The following DCN variants were observed in gnomAD, a reference collection of about 807,000 sequenced individuals.
DCN encodes the protein decorin.
A neutral mutation model predicts 36.5 loss-of-function variants in DCN; 17 were observed. That is an observed-to-expected ratio of 0.47 (90% CI 0.32 to 0.70). DCN has a LOEUF of 0.70. Among genes scored for constraint, DCN ranks in the 30% least tolerant of loss-of-function variants. The probability of loss-of-function intolerance (pLI) is 0.04; values close to 1 mark genes in which losing one functional copy is unlikely to be tolerated. For missense variants in DCN, 389 were observed against 430.1 expected (o/e 0.90, Z 0.84); for synonymous variants, 163 against 161.4 (o/e 1.01, Z -0.07).
At chr12:91,152,223 T>A (rs950561657) in intron 6 of DCN, among the ~76,000 whole-genome samples, 2 of 152,082 alleles carry the variant, frequency 1.3e-5, no homozygotes, top group African/African-American at 4.8e-5. Flanking sequence ...GGGACAGAGG[T>A]CTCATGGATC....
chr12:91,160,289 G>A (rs1191147372), intron 3 of DCN, among the ~76,000 whole-genome samples: 2 of 151,944 alleles, frequency 1.3e-5, no homozygotes, highest in Non-Finnish European at 2.9e-5. Context: ...TCGCAAAGGA[G>A]ATATTCAATT....
At chr12:91,178,791 G>T (rs1158202173) in intron 1 of DCN, among the ~76,000 whole-genome samples, 1 of 152,148 alleles carries the variant, frequency 6.6e-6, no homozygotes, top group Non-Finnish European at 1.5e-5. Context: ...CTTAGGATGA[G>T]AAATCTGAGT....
rs867184837 is a variant in DCN, at chr12:91,181,795, A to T, written c.-34+860T>A. Among the ~76,000 whole-genome samples, 9 of 152,142 alleles carry T rather than the reference A, an allele frequency of 5.9e-5. No individual in the cohort carries two copies. The Middle Eastern group carries it at 0.01, about 172-fold the overall frequency. Reference sequence around the variant, plus strand: ...CAGCACTAGATGATTAAAAACTTCAATTATAATATATGTAATTTTAAAATA... The same window carrying T: ...CAGCACTAGATGATTAAAAACTTCATTTATAATATATGTAATTTTAAAATA... On this transcript the variant is annotated intron_variant, in intron 1 of 7. Transcript: ENST00000052754.
chr12:91,173,181 T>C (rs1276457379), intron 2 of DCN, among the ~76,000 whole-genome samples: 3 of 152,150 alleles, frequency 2.0e-5, no homozygotes, highest in African/African-American at 4.8e-5. Flanking sequence ...AAAGTTAAGA[T>C]TAGAGGGTCT....
intron 3 of DCN, among the ~76,000 whole-genome samples, chr12:91,163,878 A>G (rs199581726): frequency 1.3e-5 from 2 of 152,170 alleles, no homozygotes; most frequent in African/African-American, 4.8e-5. Flanking sequence ...AAGAAATAAA[A>G]TAATACTAGG....
Position 91,146,039 on chromosome 12 carries a change from A to T in DCN, c.*19T>A, listed in dbSNP as rs771344865. The T allele has an allele frequency of 4.4e-6, 7 of 1,606,074 alleles. No individual in the cohort carries two copies. Among genetic ancestry groups the T allele is most frequent in the Non-Finnish European group, 8.5e-7 (1 of 1,172,826 alleles). ...AACAAGATTTTGCCAGGTTATAAAA[A>T]TGAGGGCTTTCTTGAGAATTACTTA... On this transcript the variant is annotated 3_prime_UTR_variant, in exon 8 of 8. Coordinates refer to ENST00000052754, the MANE Select transcript of DCN (RefSeq NM_001920.5).
rs139057073 is a variant in DCN at position 91,157,173 on chromosome 12, G to A, written c.554C>T (p.Pro185Leu). 1.9e-5 allele frequency: 31 copies of A among 1,613,128 alleles called. No individual in the cohort carries two copies. Among genetic ancestry groups the A allele is most frequent in the Non-Finnish European group, 2.5e-5 (29 of 1,179,178 alleles). Residue 185 changes from proline to leucine, a missense_variant, in exon 5 of 8, where the codon CCG becomes CTG. Transcript: ENST00000052754. Reference protein sequence around the residue: ...QMIVIELGTNPLKSSGIENGA... With the variant: ...QMIVIELGTNLLKSSGIENGA... ...ATTTTCAATTCCTGAGCTCTTCAGC[G>A]GATTGGTGCCCAGTTCTACAAATGT...
At chr12:91,157,824 T>C (rs1881893342) in intron 4 of DCN, among the ~76,000 whole-genome samples, 1 of 152,102 alleles carries the variant, frequency 6.6e-6, no homozygotes, top group African/African-American at 2.4e-5. Flanking sequence ...GAGATGGGGT[T>C]TCACCATGTT....
intron 2 of DCN, among the ~76,000 whole-genome samples, chr12:91,174,926 G>A (rs910345272): frequency 1.3e-5 from 2 of 152,060 alleles, no homozygotes; most frequent in Non-Finnish European, 2.9e-5. Flanking sequence ...TATACTACCT[G>A]GTGACACTTG....
chr12:91,159,702 C>T (rs879841953), intron 3 of DCN, among the ~76,000 whole-genome samples: 1 of 151,626 alleles, frequency 6.6e-6, no homozygotes, highest in Non-Finnish European at 1.5e-5. Flanking sequence ...ACCTCTAATT[C>T]ATTATTATTA....
chr12:91,155,624 A>G (rs955956508), intron 5 of DCN, among the ~76,000 whole-genome samples: 4 of 141,742 alleles, frequency 2.8e-5, no homozygotes, highest in Non-Finnish European at 4.5e-5. Flanking sequence ...AGATCTATCT[A>G]TCTATCTATC....
At chr12:91,154,999 C>T (rs1255661462) in intron 5 of DCN, among the ~76,000 whole-genome samples, 1 of 152,138 alleles carries the variant, frequency 6.6e-6, no homozygotes, top group Non-Finnish European at 1.5e-5. Context: ...TACTGCCTTT[C>T]CATTTCCATG....
At chr12:91,167,234 T>C (rs563100999) in intron 2 of DCN, among the ~76,000 whole-genome samples, 34 of 152,212 alleles carry the variant, frequency 2.2e-4, no homozygotes, top group Non-Finnish European at 4.1e-4. Flanking sequence ...GTTAACTAGC[T>C]TGCTCAAAGA....
At chr12:91,180,690 T>C (rs1868365490) in intron 1 of DCN, 1 of 152,162 alleles carries the variant, frequency 6.6e-6, no homozygotes, top group Admixed American at 6.5e-5. Context: ...AGTTACTGAG[T>C]ATCCCTTTAA....
intron 2 of DCN, among the ~76,000 whole-genome samples, chr12:91,174,013 T>C (rs932822417): frequency 1.3e-5 from 2 of 152,322 alleles, no homozygotes; most frequent in Admixed American, 6.5e-5. Flanking sequence ...TAGAAACCAG[T>C]AGTTATTTGC....
At chr12:91,155,481 A>G (rs1390738048) in intron 5 of DCN, among the ~76,000 whole-genome samples, 1 of 152,186 alleles carries the variant, frequency 6.6e-6, no homozygotes, top group East Asian at 1.9e-4. Flanking sequence ...AAAGGAAAAG[A>G]GATCATGAAA....
chr12:91,146,179 T>G lies in DCN; in HGVS notation c.959A>C (p.Lys320Thr). The part of the protein sequence containing the change: ...SDFCPPGHNT[K>T]KASYSGVSLF... ...ACTCACACCCGAATAAGAAGCCTTT[T>G]TGGTGTTGTGTCCAGGTGGGCAGAA... The change falls in exon 8 of 8, where the codon AAA (lysine) becomes ACA (threonine). Residue 320 changes from lysine (K) to threonine (T), a missense_variant. Coordinates refer to ENST00000052754, the MANE Select transcript of DCN (RefSeq NM_001920.5). The G allele has an allele frequency of 2.5e-6, 4 of 1,613,788 alleles. No homozygotes were observed. Among genetic ancestry groups the G allele is most frequent in the Non-Finnish European group, 3.4e-6 (4 of 1,179,782 alleles).
intron 6 of DCN, among the ~76,000 whole-genome samples, chr12:91,152,300 C>CATATATATATATATATATATATAT (rs139523647): frequency 8.3e-4 from 122 of 146,462 alleles, no homozygotes; most frequent in African/African-American, 3.1e-3. Flanking sequence ...CACACACATG[C>CATATATATATATATATATATATAT]ATATATATAT....
chr12:91,143,847 T>C lies in DCN; in HGVS notation c.*2211A>G, dbSNP rs189204643. The C allele has an allele frequency of 9.8e-4, 145 of 148,226 alleles. 1 individual carries two copies. Among genetic ancestry groups the C allele is most frequent in the African/African-American group, 3.5e-3 (142 of 40,800 alleles). 9.2% of individuals were successfully genotyped at this position (148,226 alleles called of 1,614,324 possible). A position where few individuals can be genotyped will look rare whatever the true frequency, so the allele number is the denominator to read the frequency against. On this transcript the variant is annotated 3_prime_UTR_variant, in exon 8 of 8. Transcript: ENST00000052754. ...ATATAAATATATATATATAAAGATA[T>C]ATATGTGTGTATATATATAAAGATA...
Sources: allele counts gnomAD v4.1 joint callset (sites outside exome capture counted in the v4.1 genomes callset), GRCh38; gene constraint gnomAD v4.1.1; transcripts MANE v1.5; gene names NCBI Gene and HGNC (gene_info 2026-07-23, HGNC 2026-07-21).